The following PPIP5K1 variants were observed in gnomAD, a reference collection of about 807,000 sequenced individuals.
The protein encoded by PPIP5K1 is diphosphoinositol pentakisphosphate kinase 1.
A neutral mutation model predicts 27.7 loss-of-function variants in PPIP5K1; 6 were observed. That is an observed-to-expected ratio of 0.22 (90% confidence interval 0.12 to 0.43). The LOEUF (loss-of-function observed/expected upper bound fraction) is 0.43. Ranked by LOEUF, PPIP5K1 falls within the 20% of genes least tolerant of loss-of-function variation. The pLI, the probability that PPIP5K1 is intolerant of heterozygous loss-of-function variation, is 1.00. For synonymous variants in PPIP5K1, 145 were observed against 242.6 expected, an observed-to-expected ratio of 0.60 and a Z score of 3.74; for missense variants, 394 against 635.4, an observed-to-expected ratio of 0.62 and a Z score of 4.08.
intron 30 of PPIP5K1, among the ~76,000 whole-genome samples, chr15:43,541,501 G>A (rs1172857056): frequency 6.6e-6 from 1 of 152,108 alleles, no homozygotes; most frequent in Non-Finnish European, 1.5e-5. Context: ...TAGATCACCT[G>A]AGGTCAGGAA....
At chr15:43,552,541 A>AG (rs1029584636) in intron 30 of PPIP5K1, among the ~76,000 whole-genome samples, 5 of 147,900 alleles carry the variant, frequency 3.4e-5, no homozygotes, top group African/African-American at 1.2e-4. Context: ...AAAAAAAAAA[A>AG]AAAAGAAAAA....
intron 29 of PPIP5K1, among the ~76,000 whole-genome samples, chr15:43,559,183 T>C (rs1243870060): frequency 6.6e-6 from 1 of 152,194 alleles, no homozygotes; most frequent in Non-Finnish European, 1.5e-5. Flanking sequence ...ATGCTACCTA[T>C]GGAGAGCTTG....
chr15:43,546,476 C>T (rs1441874005), intron 30 of PPIP5K1, among the ~76,000 whole-genome samples: 2 of 151,654 alleles, frequency 1.3e-5, no homozygotes, highest in African/African-American at 4.8e-5. Context: ...TTTTTATTTC[C>T]TATTTTGTAG....
At chr15:43,586,824 A>G (rs1301620853) in intron 1 of PPIP5K1, among the ~76,000 whole-genome samples, 1 of 79,630 alleles carries the variant, frequency 1.3e-5, no homozygotes, top group African/African-American at 3.9e-5. Flanking sequence ...TTGAGAATAC[A>G]GGCATCCATA....
Position 43,534,674 on chromosome 15 carries a change from C to G in PPIP5K1, c.4473G>C (p.Ter1491TyrextTer49). The G allele has an allele frequency of 1.3e-6, 2 of 1,520,444 alleles. No individual in the cohort carries two copies. The highest frequency in any genetic ancestry group is 1.8e-6 in the Non-Finnish European group (2 of 1,137,952). 94.2% of individuals were successfully genotyped at this position (1,520,444 alleles called of 1,614,324 possible). ...TCACTTCAGGGACCACCCAGGACTT[C>G]TAATTTATCTCCTCAGGGACCTCCT... ...QAQEVPEEIN[*>Y] The change falls in exon 32 of 32, where the codon TAG becomes TAC. Residue 1491 changes from the stop codon to tyrosine, a stop_lost. Transcript: ENST00000420765.
intron 31 of PPIP5K1, among the ~76,000 whole-genome samples, chr15:43,536,725 T>C (rs761369157): frequency 6.6e-6 from 1 of 152,190 alleles, no homozygotes; most frequent in Non-Finnish European, 1.5e-5. Flanking sequence ...ACTGATTTCC[T>C]ACATCCTGAC....
At chr15:43,544,483 A>C (rs574054412) in intron 30 of PPIP5K1, among the ~76,000 whole-genome samples, 2 of 152,326 alleles carry the variant, frequency 1.3e-5, no homozygotes, top group Admixed American at 6.5e-5. Context: ...ATAATGTCCC[A>C]ATGAATAACT....
At chr15:43,550,026 G>T (rs2081992579) in intron 30 of PPIP5K1, among the ~76,000 whole-genome samples, 1 of 152,090 alleles carries the variant, frequency 6.6e-6, no homozygotes, top group African/African-American at 2.4e-5. Context: ...CACTGGTCTT[G>T]AACTCCTGGC....
intron 30 of PPIP5K1, among the ~76,000 whole-genome samples, chr15:43,558,212 A>G (rs896624792): frequency 1.1e-4 from 17 of 148,010 alleles, no homozygotes; most frequent in African/African-American, 4.3e-4. Context: ...ACACACCAAC[A>G]TGCTCAGCTA....
chr15:43,540,065 C>G (rs1362895595), intron 30 of PPIP5K1, among the ~76,000 whole-genome samples: 1 of 151,892 alleles, frequency 6.6e-6, no homozygotes, highest in Non-Finnish European at 1.5e-5. Flanking sequence ...CCAGCCTGGC[C>G]AACACAGCAA....
At chr15:43,558,458 C>A (rs892127356) in intron 30 of PPIP5K1, among the ~76,000 whole-genome samples, 8 of 152,140 alleles carry the variant, frequency 5.3e-5, no homozygotes, top group African/African-American at 1.9e-4. Flanking sequence ...CATCACTTGA[C>A]CTCGTGATCC....
intron 31 of PPIP5K1, among the ~76,000 whole-genome samples, chr15:43,536,419 AG>A (rs1233491591): frequency 6.6e-6 from 1 of 151,082 alleles, no homozygotes; most frequent in Non-Finnish European, 1.5e-5. Context: ...ACTCTGTCTC[AG>A]AAAAAAAAAA....
At chr15:43,536,451 A>T (rs1270866866) in intron 31 of PPIP5K1, among the ~76,000 whole-genome samples, 1 of 151,998 alleles carries the variant, frequency 6.6e-6, no homozygotes, top group East Asian at 1.9e-4. Context: ...TAGTTTACCC[A>T]AAAATGGAAG....
chr15:43,548,184 C>T (rs1595769125), intron 30 of PPIP5K1, among the ~76,000 whole-genome samples: 1 of 151,654 alleles, frequency 6.6e-6, no homozygotes, highest in Non-Finnish European at 1.5e-5. Context: ...CTGCAACCTC[C>T]GCCTCCCGGG....
chr15:43,551,289 G>A (rs994893589), intron 30 of PPIP5K1, among the ~76,000 whole-genome samples: 1 of 151,958 alleles, frequency 6.6e-6, no homozygotes, highest in African/African-American at 2.4e-5. Flanking sequence ...AGGCCAAGGC[G>A]GGTGAATCAC....
Position 43,534,751 on chromosome 15 carries a change from C to G in PPIP5K1, c.4396G>C (p.Glu1466Gln), listed in dbSNP as rs773460440. ...AACTCTTGGGATGGTTTATCAATCT[C>G]AGGGATGCCCTGAGATAACAGATTG... ...AINLLSQGIP[E>Q]IDKPSQEFPE... The change falls in exon 32 of 32, where the codon GAG (glutamate) becomes CAG (glutamine). Residue 1466 changes from glutamate to glutamine, a missense_variant. Glu to Gln is a conservative substitution (Grantham distance 29). Transcript: ENST00000420765. 4 of 1,556,536 alleles carry G rather than the reference C, an allele frequency of 2.6e-6. No individual in the cohort carries two copies. In the African/African-American group the frequency reaches 5.5e-5, roughly 21 times the overall value.
At position 43,537,728 on chromosome 15, in the gene PPIP5K1, GAGA is replaced by G. The variant is rs1198556142; in HGVS notation, c.3670+1739_3670+1741del. ...AAAAAGAGAGAGAGAGAGAGAGAGA[GAGA>G]AGATCATGGTTTTGAACCAACAAGG... On this transcript the variant is annotated intron_variant, in intron 31 of 31. Coordinates refer to ENST00000420765, the MANE Select transcript of PPIP5K1 (RefSeq NM_001394395.1). Among the ~76,000 whole-genome samples the G allele has an allele frequency of 1.5e-3, 208 of 140,718 alleles. 1 individual carries two copies. The highest frequency in any genetic ancestry group is 5.7e-3 in the African/African-American group (203 of 35,830). The allele number at this position is 140,718 out of a possible 152,430, so 92.3% of individuals were successfully genotyped here.
At chr15:43,557,579 T>C (rs1053202086) in intron 30 of PPIP5K1, among the ~76,000 whole-genome samples, 46 of 152,226 alleles carry the variant, frequency 3.0e-4, no homozygotes, top group African/African-American at 1.1e-3. Context: ...TGAGATTTTA[T>C]AGAATGATTT....
intron 29 of PPIP5K1, among the ~76,000 whole-genome samples, chr15:43,559,829 G>T (rs2083551330): frequency 6.8e-6 from 1 of 148,092 alleles, no homozygotes. Flanking sequence ...TCAGTCCCCA[G>T]TCTTTCCTAT....
Sources: allele counts gnomAD v4.1 joint callset (sites outside exome capture counted in the v4.1 genomes callset), GRCh38; gene constraint gnomAD v4.1.1; transcripts MANE v1.5; gene names NCBI Gene and HGNC (gene_info 2026-07-23, HGNC 2026-07-21).